The following TMEM8B variants were observed in gnomAD, a reference collection of about 807,000 sequenced individuals.
TMEM8B encodes nasopharyngeal carcinoma expressed 6.
Under a neutral mutation model 49.3 loss-of-function variants are expected in TMEM8B, and 29 were observed. The ratio of observed to expected loss-of-function variants is 0.59; its 90% CI spans 0.44 to 0.80. The LOEUF is 0.80. Ranked by LOEUF, TMEM8B falls within the 30% of genes least tolerant of loss-of-function variation. The pLI, the probability that TMEM8B is intolerant of heterozygous loss-of-function variation, is 0.00. For missense variants in TMEM8B, 575 were observed against 658.5 expected (o/e 0.87, Z 1.39); for synonymous variants, 264 against 272.8 (o/e 0.97, Z 0.32).
In TMEM8B at chr9:35,845,979, C is replaced by G. The variant is rs1831498202; in HGVS notation, c.1640C>G (p.Ser547Cys). ...LSLELQLNAS[S>C]VRQENVTVFG... ...TTCCATACCTGCCCTCCCCAGAGCT[C>G]CGTGCGCCAGGAAAACGTGACGGTG... is the stretch of plus-strand genomic sequence containing the variant. Residue 547 changes from serine to cysteine, a missense_variant, in exon 7 of 13, where the codon TCC becomes TGC. Ser to Cys is a moderately radical substitution (Grantham distance 112). Transcript: ENST00000643932. 1 of 1,613,740 alleles carries G rather than the reference C, an allele frequency of 6.2e-7. No homozygotes were observed. The highest frequency in any genetic ancestry group is 8.5e-7 in the Non-Finnish European group (1 of 1,179,926).
Position 35,846,065 on chromosome 9 carries a change from A to G in TMEM8B, c.1726A>G (p.Lys576Glu). Residue 576 changes from lysine (K) to glutamate (E), a missense_variant, in exon 7 of 13, where the codon AAA becomes GAA. Transcript: ENST00000643932. ...GGGGGATGCAGCAGTGACCTGTTCC[A>G]AAGGTGAGGTGAGGAATGGGGGAGG... is the stretch of plus-strand genomic sequence containing the variant. ...SLGDAAVTCSKESLAGFLLSV... is the reference protein window; with the variant it reads ...SLGDAAVTCSEESLAGFLLSV... 6.2e-7 allele frequency: 1 copy of G among 1,613,472 alleles called. No individual in the cohort carries two copies. Among genetic ancestry groups the G allele is most frequent in the Non-Finnish European group, 8.5e-7 (1 of 1,179,860 alleles).
At chr9:35,831,641 C>T (rs1178539672) in intron 1 of TMEM8B, among the ~76,000 whole-genome samples, 5 of 152,198 alleles carry the variant, frequency 3.3e-5, no homozygotes, top group Non-Finnish European at 7.4e-5. Context: ...ATCATGGCTT[C>T]TTCATGTGCC....
intron 1 of TMEM8B, among the ~76,000 whole-genome samples, chr9:35,831,929 G>A (rs1256938549): frequency 6.6e-6 from 1 of 152,156 alleles, no homozygotes; most frequent in Non-Finnish European, 1.5e-5. Flanking sequence ...GGAGAGGCTG[G>A]CAGTGTCATA....
intron 1 of TMEM8B, 129 bp downstream of exon 1, chr9:35,830,084 G>C: frequency 2.5e-6 from 1 of 401,524 alleles, no homozygotes; most frequent in Non-Finnish European, 4.4e-6. Context: ...GAAATAGAGA[G>C]TAGAGAGGTC....
Position 35,832,644 on chromosome 9 carries a change from C to T in TMEM8B, c.509-1817C>T, listed in dbSNP as rs901752508. Among the ~76,000 whole-genome samples, 10 of 152,272 alleles carry T rather than the reference C, an allele frequency of 6.6e-5. No homozygotes were observed. The South Asian group carries it at 1.5e-3, about 22-fold the overall frequency. On this transcript the variant is annotated intron_variant, in intron 1 of 12. Transcript: ENST00000643932. ...CCACTAGCCCTCATCTGAGGGTCTGCACCGAGGGACTGACCAACATTTCTC... is the reference window on the plus strand; with the variant it reads ...CCACTAGCCCTCATCTGAGGGTCTGTACCGAGGGACTGACCAACATTTCTC...
In TMEM8B at chr9:35,846,805, C is replaced by T; in HGVS notation, c.1997-12C>T. ...TCTGTTCTCTTCCATTCTGTGCCTT[C>T]CCCACCCGCAGGGTGGAGAGGCTGG... On this transcript the variant is annotated splice_polypyrimidine_tract_variant and intron_variant, in intron 9 of 12. Transcript: ENST00000643932. 2 of 1,608,552 alleles carry T rather than the reference C, an allele frequency of 1.2e-6. No individual in the cohort carries two copies. Among genetic ancestry groups the T allele is most frequent in the Non-Finnish European group, 1.7e-6 (2 of 1,177,312 alleles).
At chr9:35,844,366 A>G (rs904673746) in intron 6 of TMEM8B, among the ~76,000 whole-genome samples, 3 of 152,230 alleles carry the variant, frequency 2.0e-5, no homozygotes, top group Non-Finnish European at 4.4e-5. Flanking sequence ...ATGTTGGCCC[A>G]TTAGAGAATA....
intron 10 of TMEM8B, 109 bp downstream of exon 10, chr9:35,847,104 C>A (rs1374589759): frequency 6.2e-7 from 1 of 1,614,124 alleles, no homozygotes; most frequent in Non-Finnish European, 8.5e-7. Context: ...TGTGCCTTCA[C>A]TGTGTCTTCT....
rs1831137321 is a variant in TMEM8B, at chr9:35,842,634, G to T, written c.1552G>T (p.Glu518Ter). ...FFGPSVALPP[E>*]RPAVFAMRLL... ...TGGCCCAAGTGTGGCCCTTCCCCCT[G>T]AGCGCCCAGCCGTGTTCGCCATGAG... Residue 518 changes from glutamate to a stop codon, truncating the protein, a stop_gained, in exon 6 of 13, where the codon GAG (glutamate) becomes TAG (stop). Transcript: ENST00000643932. LOFTEE classifies it high-confidence loss of function. The surrounding 1 kb of genome is among the most constrained non-coding windows in gnomAD (Gnocchi z 5.6). 6.2e-7 allele frequency: 1 copy of T among 1,614,092 alleles called. No homozygotes were observed. Among genetic ancestry groups the T allele is most frequent in the Non-Finnish European group, 8.5e-7 (1 of 1,180,046 alleles).
Position 35,853,247 on chromosome 9 carries a change from C to T in TMEM8B, c.2429C>T (p.Ala810Val), listed in dbSNP as rs1276912702. 5 of 1,613,480 alleles carry T rather than the reference C, an allele frequency of 3.1e-6. No homozygotes were observed. The highest frequency in any genetic ancestry group is 1.7e-5 in the Admixed American group (1 of 60,004). ...AGTCTCTTCGCCCTGGGGATCTTGG[C>T]CACAGCCTGGGTAAGGGTGGGGAGG... is the stretch of plus-strand genomic sequence containing the variant. Reference protein sequence around the residue: ...GPSLFALGILATAWTVRSVRR... With the variant: ...GPSLFALGILVTAWTVRSVRR... The change falls in exon 12 of 13, where the codon GCC (alanine) becomes GTC (valine). Residue 810 changes from alanine to valine, a missense_variant. Physicochemically the swap from Ala to Val is moderately conservative, Grantham distance 64. Transcript: ENST00000643932. This position sits in a 1 kb window ranked among gnomAD's most constrained non-coding sequence, Gnocchi z 4.2.
At position 35,864,795 on chromosome 9, in the gene TMEM8B, T is replaced by C. The variant is rs1832708361; in HGVS notation, c.*10955T>C. The C allele has an allele frequency of 6.6e-6, 1 of 152,298 alleles. No individual in the cohort carries two copies. The highest frequency in any genetic ancestry group is 2.4e-5 in the African/African-American group (1 of 41,454). The allele number at this position is 152,298 out of a possible 1,614,324, so 9.4% of individuals were successfully genotyped here. A position where few individuals can be genotyped will look rare whatever the true frequency, so the allele number is the denominator to read the frequency against. ...TCTCACCTACTGGCCATGGCCTAAATGTCTGTAGGGAGCTGGAGCCAGGTG... is the reference window on the plus strand; with the variant it reads ...TCTCACCTACTGGCCATGGCCTAAACGTCTGTAGGGAGCTGGAGCCAGGTG... On this transcript the variant is annotated 3_prime_UTR_variant, in exon 13 of 13. Coordinates refer to ENST00000643932, the MANE Select transcript of TMEM8B (RefSeq NM_001042590.4).
At chr9:35,846,633 C>T (rs1375739726) in intron 9 of TMEM8B, 22 bp downstream of exon 9, 10 of 1,570,480 alleles carry the variant, frequency 6.4e-6, no homozygotes, top group South Asian at 5.8e-5. Flanking sequence ...GGCGAGGGAG[C>T]GGGCTGCGGT....
chr9:35,834,154 C>T (rs1830206946), intron 1 of TMEM8B, among the ~76,000 whole-genome samples: 1 of 148,830 alleles, frequency 6.7e-6, no homozygotes, highest in Non-Finnish European at 1.5e-5. Context: ...GTCAAAGGGT[C>T]TTAGTTTTGG....
chr9:35,833,259 C>G (rs1830089357), intron 1 of TMEM8B: 4 of 957,792 alleles, frequency 4.2e-6, no homozygotes, highest in Non-Finnish European at 3.7e-6. Context: ...GCTGAAAATG[C>G]CCCTCCAGAG....
intron 10 of TMEM8B, chr9:35,847,265 C>A: frequency 1.1e-6 from 1 of 922,252 alleles, no homozygotes; most frequent in Non-Finnish European, 1.7e-6. Flanking sequence ...ACCCTGAGGG[C>A]TGAGGGGACC....
rs545313110 is a variant in TMEM8B, at chr9:35,837,624, C to G, written c.906+2406C>G. ...CTGAAAGGTTGTAAAAAAGAAGTGACTTACCTGGTCCGGGCCACCCTCGTG... is the reference window on the plus strand; with the variant it reads ...CTGAAAGGTTGTAAAAAAGAAGTGAGTTACCTGGTCCGGGCCACCCTCGTG... On this transcript the variant is annotated intron_variant, in intron 3 of 12. Coordinates refer to ENST00000643932, the MANE Select transcript of TMEM8B (RefSeq NM_001042590.4). Among the ~76,000 whole-genome samples the G allele has an allele frequency of 1.2e-3, 182 of 152,268 alleles. 4 individuals carry two copies. In the South Asian group the frequency reaches 0.014, roughly 12 times the overall value.
Position 35,829,886 on chromosome 9 carries a change from A to G in TMEM8B, c.439A>G (p.Lys147Glu), listed in dbSNP as rs942604218. ...HTLPLSQPRL[K>E]SGFQLPPALL... The stretch of plus-strand genomic sequence containing the variant: ...TCTGCCCCTCTCCCAGCCTAGACTC[A>G]AGTCTGGGTTTCAGCTGCCGCCAGC... Residue 147 changes from lysine (K) to glutamate (E), a missense_variant, in exon 1 of 13, where the codon AAG becomes GAG. Physicochemically the swap from Lys to Glu is moderately conservative, Grantham distance 56. Coordinates refer to ENST00000643932, the MANE Select transcript of TMEM8B (RefSeq NM_001042590.4). 7 of 415,956 alleles carry G rather than the reference A, an allele frequency of 1.7e-5. No homozygotes were observed. Among genetic ancestry groups the G allele is most frequent in the Non-Finnish European group, 2.6e-5 (6 of 226,718 alleles). 25.8% of individuals were successfully genotyped at this position (415,956 alleles called of 1,614,324 possible).
At chr9:35,840,374 C>T (rs530438006) in intron 3 of TMEM8B, among the ~76,000 whole-genome samples, 41 of 152,264 alleles carry the variant, frequency 2.7e-4, no homozygotes, top group Non-Finnish European at 4.9e-4. Flanking sequence ...AGCGCTTCCC[C>T]CAGGTGGGAT....
chr9:35,833,920 G>A (rs1180624493), intron 1 of TMEM8B, among the ~76,000 whole-genome samples: 1 of 152,064 alleles, frequency 6.6e-6, no homozygotes, highest in African/African-American at 2.4e-5. Context: ...AACCACAGGG[G>A]AACAGAAAGG....
Sources: gnomAD v4.1 joint callset for allele counts (sites outside exome capture counted in the v4.1 genomes callset) on GRCh38, gnomAD v4.1.1 for gene constraint, Gnocchi (gnomAD v3.1) non-coding constraint, MANE v1.5 for transcripts, NCBI Gene and HGNC (gene_info 2026-07-23, HGNC 2026-07-21) for gene names.